Variants in CBFA2T3 observed in about 807,000 individuals in gnomAD.
The protein encoded by CBFA2T3 is transcriptional corepressor CBFA2T3.
A neutral mutation model predicts 58.6 loss-of-function variants in CBFA2T3; 31 were observed. The ratio of observed to expected loss-of-function variants is 0.53; its 90% CI spans 0.40 to 0.71. The LOEUF is 0.71. CBFA2T3 is among the 30% of genes least tolerant of loss of function. The pLI is 0.00. For missense variants in CBFA2T3, 1,076 were observed against 963.1 expected, an observed-to-expected ratio of 1.12 and a Z score of -1.55; for synonymous variants, 531 against 421.9, an observed-to-expected ratio of 1.26 and a Z score of -3.17.
chr16:88,959,728 G>T (rs1972314433), intron 1 of CBFA2T3, among the ~76,000 whole-genome samples: 1 of 152,192 alleles, frequency 6.6e-6, no homozygotes. Flanking sequence ...GGGATTACAG[G>T]AGGAAAGGTG....
chr16:88,947,217 T>C (rs537055809), intron 1 of CBFA2T3, among the ~76,000 whole-genome samples: 1 of 152,272 alleles, frequency 6.6e-6, no homozygotes, highest in Non-Finnish European at 1.5e-5. Flanking sequence ...CTCGGCGCTT[T>C]CCGCCCAGTT....
chr16:88,882,596 C>CTGTGTGTGCGTGGCTG (rs1309076862), intron 8 of CBFA2T3, 80 bp downstream of exon 8: 41 of 764,264 alleles, frequency 5.4e-5, no homozygotes, highest in African/African-American at 8.1e-5. Flanking sequence ...GTGTGCATGG[C>CTGTGTGTGCGTGGCTG]TGTGTGTGCG....
intron 1 of CBFA2T3, among the ~76,000 whole-genome samples, chr16:88,910,413 C>T (rs1327069437): frequency 6.6e-6 from 1 of 152,344 alleles, no homozygotes; most frequent in South Asian, 2.1e-4. Context: ...TGGGCTTCCT[C>T]TACAGCCTAC....
At chr16:88,934,178 G>C (rs972432970) in intron 1 of CBFA2T3, among the ~76,000 whole-genome samples, 2 of 134,654 alleles carry the variant, frequency 1.5e-5, no homozygotes, top group Non-Finnish European at 3.1e-5. Flanking sequence ...CCGGCGAGAA[G>C]GGCTGCCCCA....
intron 1 of CBFA2T3, among the ~76,000 whole-genome samples, chr16:88,975,624 G>T (rs956401919): frequency 3.3e-5 from 5 of 152,268 alleles, no homozygotes; most frequent in African/African-American, 1.2e-4. Flanking sequence ...CACCCATTCG[G>T]GAGAAACGAA....
chr16:88,932,830 G>A (rs1303200048), intron 1 of CBFA2T3, among the ~76,000 whole-genome samples: 3 of 143,222 alleles, frequency 2.1e-5, no homozygotes, highest in Non-Finnish European at 4.5e-5. Context: ...AAAGCCGGGT[G>A]CAGTGGTGTG....
chr16:88,974,980 A>G (rs1486902721), intron 1 of CBFA2T3, among the ~76,000 whole-genome samples: 1 of 152,152 alleles, frequency 6.6e-6, no homozygotes, highest in South Asian at 2.1e-4. Context: ...GGGTGGTTGC[A>G]CGGACAGAAG....
At position 88,875,792 on chromosome 16, in the gene CBFA2T3, G is replaced by A. The variant is rs1968810218; in HGVS notation, c.*1184C>T. ...TTTGTTTCGGAATTATGCTCTCTCT[G>A]GGAAGAAAACTTTAGCACTTTTTTT... On this transcript the variant is annotated 3_prime_UTR_variant, in exon 12 of 12. Coordinates refer to ENST00000268679, the MANE Select transcript of CBFA2T3 (RefSeq NM_005187.6). 4.3e-6 allele frequency: 1 copy of A among 233,550 alleles called. No individual in the cohort carries two copies. The highest frequency in any genetic ancestry group is 6.0e-5 in the East Asian group (1 of 16,582). 14.5% of individuals were successfully genotyped at this position (233,550 alleles called of 1,614,324 possible).
chr16:88,937,857 G>C (rs570739722), intron 1 of CBFA2T3: 12 of 152,382 alleles, frequency 7.9e-5, no homozygotes, highest in African/African-American at 2.9e-4. Flanking sequence ...TTGACAAATT[G>C]TAGAGTTTAG....
intron 11 of CBFA2T3, among the ~76,000 whole-genome samples, 160 bp from the exon 12 acceptor site, chr16:88,877,435 A>C (rs1215939855): frequency 6.6e-6 from 1 of 151,876 alleles, no homozygotes; most frequent in Non-Finnish European, 1.5e-5. Flanking sequence ...AGATACAGCC[A>C]CTCACTGGGC....
chr16:88,883,115 G>GTC (rs1325910354), intron 7 of CBFA2T3, among the ~76,000 whole-genome samples: 2 of 152,212 alleles, frequency 1.3e-5, no homozygotes, highest in Non-Finnish European at 2.9e-5. Context: ...ACCGAGGCTG[G>GTC]CTGGAGCTGG....
intron 5 of CBFA2T3, among the ~76,000 whole-genome samples, chr16:88,889,021 C>T (rs1177684671): frequency 1.3e-5 from 2 of 151,916 alleles, no homozygotes; most frequent in African/African-American, 2.4e-5. Context: ...GGGGATGCTG[C>T]GGCGTTTCTC....
intron 5 of CBFA2T3, among the ~76,000 whole-genome samples, chr16:88,888,318 C>T (rs907755298): frequency 1.4e-5 from 2 of 147,898 alleles, no homozygotes; most frequent in African/African-American, 5.0e-5. Context: ...AGGTGCTACC[C>T]CTCCCCCAGC....
chr16:88,926,986 C>T (rs537017158), intron 1 of CBFA2T3, among the ~76,000 whole-genome samples: 2 of 152,182 alleles, frequency 1.3e-5, no homozygotes, highest in African/African-American at 2.4e-5. Context: ...ACTCCTGCCT[C>T]GGGCCTGGCA....
chr16:88,893,514 A>G (rs1185108899), intron 3 of CBFA2T3, among the ~76,000 whole-genome samples: 7 of 152,200 alleles, frequency 4.6e-5, no homozygotes, highest in Admixed American at 4.6e-4. Context: ...ATGGGGTTCC[A>G]GGGGGCAGAG....
At chr16:88,901,253 A>G (rs1970086781) in intron 2 of CBFA2T3, among the ~76,000 whole-genome samples, 1 of 152,168 alleles carries the variant, frequency 6.6e-6, no homozygotes, top group Non-Finnish European at 1.5e-5. Context: ...CAGCCCTGGG[A>G]GGACCTGCAT....
At chr16:88,925,869 G>C (rs1299585376) in intron 1 of CBFA2T3, among the ~76,000 whole-genome samples, 2 of 152,248 alleles carry the variant, frequency 1.3e-5, no homozygotes, top group African/African-American at 4.8e-5. Flanking sequence ...TGCGGAGTCG[G>C]TGCCATCCTC....
At chr16:88,934,510 T>A (rs956543362) in intron 1 of CBFA2T3, among the ~76,000 whole-genome samples, 2 of 152,140 alleles carry the variant, frequency 1.3e-5, no homozygotes, top group African/African-American at 4.8e-5. Context: ...GCCGGCACCA[T>A]CGGGGGGCGA....
At position 88,881,431 on chromosome 16, in the gene CBFA2T3, C is replaced by T. The variant is rs767181401; in HGVS notation, c.1262G>A (p.Arg421His). ...EKTRRSLTVL[R>H]RCQEADREEL... ...CTCGCGGTCGGCCTCCTGGCACCTG[C>T]GCAGCACCGTGAGCGAGCGCCGCGT... The change falls in exon 9 of 12, where the codon CGC becomes CAC. Residue 421 changes from arginine (R) to histidine (H), a missense_variant. Coordinates refer to ENST00000268679, the MANE Select transcript of CBFA2T3 (RefSeq NM_005187.6). The T allele has an allele frequency of 4.3e-6, 7 of 1,609,570 alleles. No individual in the cohort carries two copies. The highest frequency in any genetic ancestry group is 5.9e-6 in the Non-Finnish European group (7 of 1,178,684).
Sources: gnomAD v4.1 joint callset for allele counts (sites outside exome capture counted in the v4.1 genomes callset) on GRCh38, gnomAD v4.1.1 for gene constraint, MANE v1.5 for transcripts, NCBI Gene and HGNC (gene_info 2026-07-23, HGNC 2026-07-21) for gene names.